Variants in ITGB2 observed in about 807,000 individuals in gnomAD.
The protein encoded by ITGB2 is integrin subunit beta 2, also known as integrin beta-2.
Under a neutral mutation model 86.8 loss-of-function variants are expected in ITGB2, and 56 were observed. That is an observed-to-expected ratio of 0.65 (90% CI 0.52 to 0.81). The LOEUF (loss-of-function observed/expected upper bound fraction) is 0.81, where lower values mean the gene tolerates loss of function less well. ITGB2 is among the 30% of genes least tolerant of loss of function. The pLI is 0.00. For missense variants in ITGB2, 948 were observed against 1,061.2 expected, an observed-to-expected ratio of 0.89 and a Z score of 1.48; for synonymous variants, 457 against 450.4, an observed-to-expected ratio of 1.01 and a Z score of -0.19.
chr21:44,896,294 G>A (rs559988915), intron 8 of ITGB2, among the ~76,000 whole-genome samples: 172 of 152,336 alleles, frequency 1.1e-3, no homozygotes, highest in Middle Eastern at 3.4e-3. Context: ...CACGAGGGTG[G>A]ATCACAGTAA....
chr21:44,903,296 G>T lies in ITGB2; in HGVS notation c.499+69C>A. 1.9e-6 allele frequency: 3 copies of T among 1,578,732 alleles called. No individual in the cohort carries two copies. The South Asian group carries it at 3.3e-5, about 18-fold the overall frequency. On this transcript the variant is annotated intron_variant, in intron 5 of 15. Transcript: ENST00000652462. ...GGGACCTGAGTGCGAGGAGTTGTGTGGGCCACAGGCAGGAGTGGCCAGGGT... is the reference window on the plus strand; with the variant it reads ...GGGACCTGAGTGCGAGGAGTTGTGTTGGCCACAGGCAGGAGTGGCCAGGGT...
At chr21:44,895,395 C>T (rs1014554501) in intron 8 of ITGB2, among the ~76,000 whole-genome samples, 2 of 151,898 alleles carry the variant, frequency 1.3e-5, no homozygotes, top group African/African-American at 2.4e-5. Flanking sequence ...AGTGGTGTGG[C>T]GTCACATGCC....
In ITGB2 at chr21:44,889,305, G is replaced by A. The variant is rs562849126; in HGVS notation, c.1848C>T (p.Pro616=). The change falls in exon 13 of 16, where the codon CCC becomes CCT. Residue 616 remains proline (P), a synonymous_variant. Transcript: ENST00000652462. ...ACTTGCCACAGGGTGAGGGGCAGCCGGGGCACTCCTGGCACAGAGGCAGCT... is the reference window on the plus strand; with the variant it reads ...ACTTGCCACAGGGTGAGGGGCAGCCAGGGCACTCCTGGCACAGAGGCAGCT... The part of the protein sequence containing the change: ...GYQLPLCQEC[P]GCPSPCGKYI... 7.3e-5 allele frequency: 117 copies of A among 1,612,812 alleles called. No individual in the cohort carries two copies. Among genetic ancestry groups the A allele is most frequent in the Middle Eastern group, 1.7e-4 (1 of 6,058 alleles).
chr21:44,911,189 T>C, intron 1 of ITGB2: 1 of 328,478 alleles, frequency 3.0e-6, no homozygotes, highest in Non-Finnish European at 5.9e-6. Context: ...ACACCACACA[T>C]ATGTACACAC....
At chr21:44,927,343 T>C (rs747287923) in intron 1 of ITGB2, among the ~76,000 whole-genome samples, 100 of 152,150 alleles carry the variant, frequency 6.6e-4, no homozygotes, top group Non-Finnish European at 1.2e-3. Context: ...GTGAGGTTCA[T>C]AAGGGATGAG....
chr21:44,922,364 A>T (rs548910301), upstream of ITGB2, among the ~76,000 whole-genome samples: 20 of 152,252 alleles, frequency 1.3e-4, no homozygotes, highest in Admixed American at 7.2e-4. Flanking sequence ...CCTGAAAAAA[A>T]ATATGACAAA....
intron 1 of ITGB2, among the ~76,000 whole-genome samples, chr21:44,912,238 A>G (rs1412607368): frequency 6.6e-6 from 1 of 152,134 alleles, no homozygotes; most frequent in Non-Finnish European, 1.5e-5. Context: ...CAGAGCCCCA[A>G]ACTAGGGCCT....
chr21:44,886,774 G>A lies in ITGB2; in HGVS notation c.2209C>T (p.Arg737Cys), dbSNP rs568682818. 26 of 1,614,058 alleles carry A rather than the reference G, an allele frequency of 1.6e-5. No individual in the cohort carries two copies. Among genetic ancestry groups the A allele is most frequent in the South Asian group, 2.2e-5 (2 of 91,080 alleles). Residue 737 changes from arginine to cysteine, a missense_variant, in exon 15 of 16, where the codon CGC becomes TGC. Transcript: ENST00000652462. ...IHLSDLREYR[R>C]FEKEKLKSQW... ...GACTTGAGCTTCTCCTTCTCAAAGC[G>A]CCTGTACTCCCGGAGGTCGCTCAGG...
chr21:44,925,982 G>A (rs914269472), intron 1 of ITGB2, among the ~76,000 whole-genome samples: 1 of 152,188 alleles, frequency 6.6e-6, no homozygotes, highest in African/African-American at 2.4e-5. Flanking sequence ...GCGGGTGCCT[G>A]TAGTCCCAGC....
chr21:44,897,827 T>G (rs549285274), intron 8 of ITGB2, among the ~76,000 whole-genome samples: 4 of 152,370 alleles, frequency 2.6e-5, no homozygotes, highest in African/African-American at 9.6e-5. Flanking sequence ...TCAGTCCTTC[T>G]GTCCCTGTGG....
intron 1 of ITGB2, among the ~76,000 whole-genome samples, chr21:44,918,656 G>A (rs1433322204): frequency 7.2e-5 from 11 of 152,200 alleles, no homozygotes; most frequent in Admixed American, 1.3e-4. Flanking sequence ...TGGGCACCTC[G>A]CTGTCTGGGG....
intron 7 of ITGB2, among the ~76,000 whole-genome samples, 187 bp downstream of exon 7, chr21:44,900,133 C>A (rs2083929347): frequency 6.6e-6 from 1 of 152,222 alleles, no homozygotes; most frequent in South Asian, 2.1e-4. Flanking sequence ...CCCACCAACC[C>A]TACCCTCCCC....
At chr21:44,926,530 C>T (rs1398827794) in intron 1 of ITGB2, among the ~76,000 whole-genome samples, 3 of 152,210 alleles carry the variant, frequency 2.0e-5, no homozygotes, top group Non-Finnish European at 4.4e-5. Context: ...CGGGCTGCTT[C>T]CCAGGGCCCT....
At chr21:44,910,241 C>T (rs763527142) in intron 3 of ITGB2, 43 bp downstream of exon 3, 9 of 1,604,332 alleles carry the variant, frequency 5.6e-6, no homozygotes, top group Non-Finnish European at 6.8e-6. Context: ...AGGGCCCTCA[C>T]CCAGGAGCTG....
chr21:44,889,052 G>C, intron 13 of ITGB2, 157 bp from the exon 14 acceptor site: 2 of 710,132 alleles, frequency 2.8e-6, no homozygotes, highest in East Asian at 5.4e-5. Flanking sequence ...CGGGTGCAGC[G>C]GGTGAACTGG....
upstream of ITGB2, among the ~76,000 whole-genome samples, chr21:44,925,039 C>T (rs550171481): frequency 1.3e-5 from 2 of 152,132 alleles, no homozygotes; most frequent in African/African-American, 2.4e-5. Flanking sequence ...CTGGGCAAGT[C>T]AGGCAACATG....
chr21:44,898,301 C>T (rs1421161739), intron 8 of ITGB2, among the ~76,000 whole-genome samples: 1 of 152,212 alleles, frequency 6.6e-6, no homozygotes, highest in Non-Finnish European at 1.5e-5. Flanking sequence ...CACACCCCTG[C>T]AGGGAGGGGA....
intron 3 of ITGB2, among the ~76,000 whole-genome samples, chr21:44,909,102 C>T (rs754824098): frequency 8.5e-5 from 13 of 152,172 alleles, no homozygotes; most frequent in Non-Finnish European, 1.3e-4. Flanking sequence ...CGGCTTCAGG[C>T]GGGGACCTCC....
At chr21:44,919,527 G>A (rs1366580808) in intron 1 of ITGB2, among the ~76,000 whole-genome samples, 1 of 152,180 alleles carries the variant, frequency 6.6e-6, no homozygotes, top group African/African-American at 2.4e-5. Flanking sequence ...GAAACGCTGG[G>A]GTGACGGCAG....
Sources: gnomAD v4.1 joint callset for allele counts (sites outside exome capture counted in the v4.1 genomes callset) on GRCh38, gnomAD v4.1.1 for gene constraint, MANE v1.5 for transcripts, NCBI Gene and HGNC (gene_info 2026-07-23, HGNC 2026-07-21) for gene names.